LRRC72: variants seen among roughly 807,000 people sequenced by gnomAD.
The protein encoded by LRRC72 is leucine rich repeat containing 72, also known as leucine-rich repeat-containing protein 72.
A neutral mutation model predicts 35.8 loss-of-function variants in LRRC72; 41 were observed. The observed-to-expected ratio is 1.15, with a 90% CI of 0.89 to 1.49. The LOEUF is 1.49. Ranked by LOEUF, LRRC72 falls within the 40% of genes most tolerant of loss-of-function variation. The pLI, the probability that LRRC72 is intolerant of heterozygous loss-of-function variation, is 0.00. For missense variants in LRRC72, 389 were observed against 330.7 expected, an observed-to-expected ratio of 1.18 and a Z score of -1.37; for synonymous variants, 118 against 119.2, an observed-to-expected ratio of 0.99 and a Z score of 0.07.
chr7:16,563,033 C>T (rs1210171039), intron 5 of LRRC72, among the ~76,000 whole-genome samples: 1 of 152,174 alleles, frequency 6.6e-6, no homozygotes, highest in Non-Finnish European at 1.5e-5. Flanking sequence ...CCCGGAGCCT[C>T]ACAATCCTCC....
chr7:16,573,686 A>G (rs1378057949), intron 7 of LRRC72, among the ~76,000 whole-genome samples: 1 of 152,226 alleles, frequency 6.6e-6, no homozygotes, highest in Non-Finnish European at 1.5e-5. Context: ...TGTGAGACCT[A>G]AAACCATAAA....
chr7:16,547,513 G>A (rs189977210), intron 3 of LRRC72, among the ~76,000 whole-genome samples: 111 of 152,246 alleles, frequency 7.3e-4, no homozygotes, highest in African/African-American at 2.6e-3. Flanking sequence ...GCTGCTGTGG[G>A]CCCAGGCATC....
At chr7:16,533,653 CAT>C (rs1009547775) in intron 2 of LRRC72, among the ~76,000 whole-genome samples, 3 of 151,930 alleles carry the variant, frequency 2.0e-5, no homozygotes, top group Non-Finnish European at 4.4e-5. Flanking sequence ...TATTATTAAA[CAT>C]ATTTATTTTA....
At chr7:16,528,934 T>C (rs1157610231) in intron 1 of LRRC72, among the ~76,000 whole-genome samples, 1 of 152,178 alleles carries the variant, frequency 6.6e-6, no homozygotes, top group African/African-American at 2.4e-5. Flanking sequence ...TTGACATTGT[T>C]ATCCTGGGAA....
intron 5 of LRRC72, among the ~76,000 whole-genome samples, chr7:16,564,907 G>GT (rs1448609254): frequency 2.6e-5 from 4 of 151,852 alleles, no homozygotes; most frequent in African/African-American, 9.7e-5. Flanking sequence ...ATATTAATCA[G>GT]TTTTTTCCGA....
intron 3 of LRRC72, among the ~76,000 whole-genome samples, chr7:16,548,558 C>T (rs1370020515): frequency 6.6e-6 from 1 of 152,246 alleles, no homozygotes; most frequent in Non-Finnish European, 1.5e-5. Flanking sequence ...TTTTGATACA[C>T]CTGGCCCAGC....
At chr7:16,573,388 G>A (rs113038079) in intron 7 of LRRC72, among the ~76,000 whole-genome samples, 3,100 of 152,158 alleles carry the variant, frequency 0.02, 106 homozygotes, top group African/African-American at 0.069. Context: ...GCAACACACT[G>A]CCTGATTTCA....
At chr7:16,542,713 C>A (rs1782378212) in intron 3 of LRRC72, among the ~76,000 whole-genome samples, 1 of 152,174 alleles carries the variant, frequency 6.6e-6, no homozygotes. Flanking sequence ...TGTCCTTTGT[C>A]CCCAAAGAAT....
chr7:16,529,467 C>T (rs554971027), intron 1 of LRRC72, among the ~76,000 whole-genome samples: 2 of 152,120 alleles, frequency 1.3e-5, no homozygotes, highest in African/African-American at 2.4e-5. Context: ...ATGTTACTAT[C>T]GTAATTGCTT....
intron 7 of LRRC72, among the ~76,000 whole-genome samples, chr7:16,573,026 C>G (rs992564133): frequency 6.6e-6 from 1 of 152,040 alleles, no homozygotes; most frequent in African/African-American, 2.4e-5. Context: ...AACAGAGAGC[C>G]AAATCATGAG....
intron 3 of LRRC72, among the ~76,000 whole-genome samples, chr7:16,547,581 C>T (rs1044912311): frequency 7.2e-5 from 11 of 152,218 alleles, no homozygotes; most frequent in Admixed American, 5.9e-4. Flanking sequence ...CTCAGAAGTG[C>T]CTCCTCCTAC....
rs1340286075 is a variant in LRRC72 at position 16,581,421 on chromosome 7, C to G, written c.796C>G (p.Arg266Gly). The G allele has an allele frequency of 1.3e-6, 2 of 1,549,962 alleles. No homozygotes were observed. Among genetic ancestry groups the G allele is most frequent in the African/African-American group, 2.7e-5 (2 of 72,948 alleles). ...TATGAACTGGGACACAGTTCCAACACGAGAGGAAAGGTACCTTGAAGAGGA... is the reference window on the plus strand; with the variant it reads ...TATGAACTGGGACACAGTTCCAACAGGAGAGGAAAGGTACCTTGAAGAGGA... ...TSMNWDTVPT[R>G]EERYLEEEGT... The change falls in exon 9 of 9, where the codon CGA becomes GGA. Residue 266 changes from arginine (R) to glycine (G), a missense_variant. By Grantham distance (125) the Arg-to-Gly change is moderately radical. Transcript: ENST00000401542.
Position 16,577,898 on chromosome 7 carries a change from G to A in LRRC72, c.671-2176G>A, listed in dbSNP as rs575009586. Among the ~76,000 whole-genome samples the A allele has an allele frequency of 8.0e-4, 122 of 152,210 alleles. 1 individual carries two copies. The highest frequency in any genetic ancestry group is 2.8e-3 in the African/African-American group (116 of 41,520). On this transcript the variant is annotated intron_variant, in intron 7 of 8. Transcript: ENST00000401542. The stretch of plus-strand genomic sequence containing the variant: ...GGGTTGTTAAAGATGAGGGGGGAAC[G>A]AGCACAATTCATGTTATTGATGGGA...
chr7:16,530,383 C>T (rs759354270), intron 1 of LRRC72: 6 of 152,118 alleles, frequency 3.9e-5, no homozygotes, highest in Non-Finnish European at 8.8e-5. Context: ...CTATTGGGGC[C>T]CTCAGTGGAT....
chr7:16,547,957 A>G (rs1782477492), intron 3 of LRRC72, among the ~76,000 whole-genome samples: 1 of 152,182 alleles, frequency 6.6e-6, no homozygotes, highest in Non-Finnish European at 1.5e-5. Context: ...AGTCCCATGG[A>G]CCAGAGTGAA....
chr7:16,545,860 C>T (rs538163799), intron 3 of LRRC72, among the ~76,000 whole-genome samples: 1 of 151,834 alleles, frequency 6.6e-6, no homozygotes, highest in African/African-American at 2.4e-5. Context: ...AAAATATAAC[C>T]TATTTTTCGA....
chr7:16,550,016 T>C (rs1296732208), intron 3 of LRRC72, among the ~76,000 whole-genome samples: 1 of 152,106 alleles, frequency 6.6e-6, no homozygotes, highest in Admixed American at 6.5e-5. Flanking sequence ...TCCAGGAGTT[T>C]AAGACCAGTC....
chr7:16,574,599 G>A (rs1318168887), intron 7 of LRRC72, among the ~76,000 whole-genome samples: 1 of 151,962 alleles, frequency 6.6e-6, no homozygotes, highest in East Asian at 1.9e-4. Flanking sequence ...GTTGAACAAT[G>A]AGAACACATG....
Position 16,581,358 on chromosome 7 carries a change from G to T in LRRC72, c.733G>T (p.Val245Leu). The T allele has an allele frequency of 6.6e-7, 1 of 1,524,810 alleles. No individual in the cohort carries two copies. The highest frequency in any genetic ancestry group is 1.4e-5 in the African/African-American group (1 of 72,120). 94.5% of individuals were successfully genotyped at this position (1,524,810 alleles called of 1,614,324 possible). A position where few individuals can be genotyped will look rare whatever the true frequency, so the allele number is the denominator to read the frequency against. The stretch of plus-strand genomic sequence containing the variant: ...TGATGACCCAGAAGATGCTGTTTTT[G>T]TGAGGTCCATGAAGAGATCAGTGAT... Reference protein sequence around the residue: ...VLDDPEDAVFVRSMKRSVMTL... With the variant: ...VLDDPEDAVFLRSMKRSVMTL... The change falls in exon 9 of 9, where the codon GTG becomes TTG. Residue 245 changes from valine to leucine, a missense_variant. Physicochemically the swap from Val to Leu is conservative, Grantham distance 32 (BLOSUM62 1). Coordinates refer to ENST00000401542, the MANE Select transcript of LRRC72 (RefSeq NM_001195280.2).
Sources: gnomAD v4.1 joint callset for allele counts (sites outside exome capture counted in the v4.1 genomes callset) on GRCh38, gnomAD v4.1.1 for gene constraint, MANE v1.5 for transcripts, NCBI Gene and HGNC (gene_info 2026-07-23, HGNC 2026-07-21) for gene names.